PAPPA2: variants seen among roughly 807,000 people sequenced by gnomAD.
The protein encoded by PAPPA2 is pappalysin-2.
In PAPPA2, 86 loss-of-function variants were observed where a neutral mutation model predicts 176.4. The ratio of observed to expected loss-of-function variants is 0.49; its 90% confidence interval spans 0.41 to 0.58. The LOEUF (loss-of-function observed/expected upper bound fraction) is 0.58. Among genes scored for constraint, PAPPA2 ranks in the 20% least tolerant of loss-of-function variants. PAPPA2 has a pLI of 0.00. For missense variants in PAPPA2, 2,073 were observed against 2,256.9 expected, an observed-to-expected ratio of 0.92 and a Z score of 1.65; for synonymous variants, 809 against 852.2, an observed-to-expected ratio of 0.95 and a Z score of 0.88.
At chr1:176,545,090 A>T (rs1363329549) in intron 1 of PAPPA2, among the ~76,000 whole-genome samples, 1 of 152,048 alleles carries the variant, frequency 6.6e-6, no homozygotes, top group East Asian at 1.9e-4. Flanking sequence ...ATTAAACTTA[A>T]TCTCCATCCC....
At position 176,699,156 on chromosome 1, in the gene PAPPA2, G is replaced by A. The variant is rs771291276; in HGVS notation, c.2803G>A (p.Val935Ile). ...EPSLQAWSPE[V>I]HLYHMNMTVP... ...AAGCTTACAGGCCTGGAGCCCTGAG[G>A]TCCACCTGTACCACATGAACATGAC... The change falls in exon 8 of 23, where the codon GTC becomes ATC. Residue 935 changes from valine to isoleucine, a missense_variant. By Grantham distance (29) the Val-to-Ile change is conservative (BLOSUM62 3). Coordinates refer to ENST00000367662, the MANE Select transcript of PAPPA2 (RefSeq NM_020318.3). 6.2e-7 allele frequency: 1 copy of A among 1,614,066 alleles called. No homozygotes were observed. Among genetic ancestry groups the A allele is most frequent in the Non-Finnish European group, 8.5e-7 (1 of 1,179,992 alleles).
chr1:176,533,267 A>G (rs1404268153), intron 1 of PAPPA2, among the ~76,000 whole-genome samples: 5 of 152,218 alleles, frequency 3.3e-5, no homozygotes, highest in African/African-American at 1.2e-4. Context: ...AATTTTAGGC[A>G]CCTTGGCAGA....
chr1:176,645,049 T>C (rs917104030), intron 3 of PAPPA2, among the ~76,000 whole-genome samples: 2 of 151,878 alleles, frequency 1.3e-5, no homozygotes, highest in African/African-American at 4.8e-5. Flanking sequence ...AAACAGTACA[T>C]TGGGATATCC....
chr1:176,772,034 T>C (rs2102914386), intron 17 of PAPPA2, among the ~76,000 whole-genome samples: 1 of 152,318 alleles, frequency 6.6e-6, no homozygotes, highest in Non-Finnish European at 1.5e-5. Flanking sequence ...TAATTCAACC[T>C]TCAACTCAAT....
At chr1:176,659,358 C>T (rs1187329667) in intron 3 of PAPPA2, among the ~76,000 whole-genome samples, 1 of 152,036 alleles carries the variant, frequency 6.6e-6, no homozygotes, top group East Asian at 1.9e-4. Context: ...CATTCCTTGG[C>T]TTGTAGCTGA....
At chr1:176,643,275 T>C (rs762671934) in intron 3 of PAPPA2, among the ~76,000 whole-genome samples, 1 of 151,912 alleles carries the variant, frequency 6.6e-6, no homozygotes, top group African/African-American at 2.4e-5. Context: ...TTCATGTCTG[T>C]CTGAATTCAG....
chr1:176,708,837 G>A (rs1661004513), intron 10 of PAPPA2, among the ~76,000 whole-genome samples: 1 of 152,100 alleles, frequency 6.6e-6, no homozygotes, highest in Non-Finnish European at 1.5e-5. Context: ...TGAAGAAAAG[G>A]AAATAGTAAC....
chr1:176,716,438 G>T (rs1378403330), intron 12 of PAPPA2, among the ~76,000 whole-genome samples: 1 of 150,718 alleles, frequency 6.6e-6, no homozygotes, highest in Admixed American at 6.6e-5. Flanking sequence ...TAGAGATGGG[G>T]TTTCACCACA....
At chr1:176,812,202 T>A (rs1442930275) in intron 21 of PAPPA2, among the ~76,000 whole-genome samples, 1 of 114,160 alleles carries the variant, frequency 8.8e-6, no homozygotes, top group Non-Finnish European at 2.0e-5. Flanking sequence ...TATTCTGGGC[T>A]TTTTTGTTCT....
intron 2 of PAPPA2, among the ~76,000 whole-genome samples, chr1:176,574,909 G>A (rs2102618940): frequency 6.6e-6 from 1 of 152,278 alleles, no homozygotes; most frequent in African/African-American, 2.4e-5. Context: ...TGCTTTACAG[G>A]TTTGTAGCCT....
intron 14 of PAPPA2, among the ~76,000 whole-genome samples, chr1:176,750,243 C>T (rs921281729): frequency 6.6e-6 from 1 of 151,956 alleles, no homozygotes; most frequent in Non-Finnish European, 1.5e-5. Context: ...AAAAAAAATG[C>T]ATATAATTTT....
intron 3 of PAPPA2, among the ~76,000 whole-genome samples, chr1:176,595,807 A>AC (rs1653946758): frequency 1.3e-5 from 2 of 152,262 alleles, no homozygotes; most frequent in African/African-American, 4.8e-5. Context: ...TCCTCACAGA[A>AC]CTCACTGTTT....
At chr1:176,494,855 C>T (rs923458842) in intron 1 of PAPPA2, among the ~76,000 whole-genome samples, 1 of 152,194 alleles carries the variant, frequency 6.6e-6, no homozygotes, top group Non-Finnish European at 1.5e-5. Flanking sequence ...AGTGGGGAAC[C>T]ATCTAACTGT....
intron 19 of PAPPA2, among the ~76,000 whole-genome samples, chr1:176,793,035 C>G (rs1222234848): frequency 6.6e-6 from 1 of 152,174 alleles, no homozygotes; most frequent in Non-Finnish European, 1.5e-5. Flanking sequence ...AGAATAGTCT[C>G]TGGAGTAATT....
At chr1:176,576,121 A>T (rs566884481) in intron 2 of PAPPA2, among the ~76,000 whole-genome samples, 5 of 148,980 alleles carry the variant, frequency 3.4e-5, no homozygotes, top group African/African-American at 1.3e-4. Context: ...ACAGGGCTGG[A>T]GCATGAGGCT....
At chr1:176,661,613 G>A (rs1303386176) in intron 3 of PAPPA2, among the ~76,000 whole-genome samples, 14 of 151,130 alleles carry the variant, frequency 9.3e-5, no homozygotes, top group South Asian at 2.1e-4. Context: ...GGCTGGATGC[G>A]GGAACACTAT....
At chr1:176,829,377 C>A (rs1350335919) in intron 21 of PAPPA2, among the ~76,000 whole-genome samples, 1 of 152,192 alleles carries the variant, frequency 6.6e-6, no homozygotes, top group Admixed American at 6.5e-5. Flanking sequence ...CTCCCACAGT[C>A]TGCATTCCCA....
chr1:176,792,268 T>C (rs895330840), intron 19 of PAPPA2, among the ~76,000 whole-genome samples: 3 of 152,214 alleles, frequency 2.0e-5, no homozygotes, highest in Non-Finnish European at 2.9e-5. Flanking sequence ...CTAAATATCA[T>C]AGGAAAGAGT....
intron 14 of PAPPA2, among the ~76,000 whole-genome samples, chr1:176,755,626 C>T (rs546080668): frequency 6.6e-6 from 1 of 152,302 alleles, no homozygotes; most frequent in African/African-American, 2.4e-5. Flanking sequence ...TACCAGTGAT[C>T]ATTGCTCTTT....
Sources: gnomAD v4.1 joint callset for allele counts (sites outside exome capture counted in the v4.1 genomes callset) on GRCh38, gnomAD v4.1.1 for gene constraint, MANE v1.5 for transcripts, NCBI Gene and HGNC (gene_info 2026-07-23, HGNC 2026-07-21) for gene names.